CACNA1E: variants seen among roughly 807,000 people sequenced by gnomAD.
CACNA1E encodes the protein calcium voltage-gated channel subunit alpha1 E.
Under a neutral mutation model 259.2 loss-of-function variants are expected in CACNA1E, and 40 were observed. That is an observed-to-expected ratio of 0.15 (90% CI 0.12 to 0.20). The LOEUF (loss-of-function observed/expected upper bound fraction) is 0.20, where lower values mean the gene tolerates loss of function less well. CACNA1E is among the 10% of genes least tolerant of loss of function. The probability of loss-of-function intolerance (pLI) is 1.00; values close to 1 mark genes in which losing one functional copy is unlikely to be tolerated. For missense variants in CACNA1E, 1,874 were observed against 3,040.1 expected (o/e 0.62, Z 9.02); for synonymous variants, 1,104 against 1,138.5 (o/e 0.97, Z 0.61).
chr1:181,481,008 A>G (rs142093393), upstream of CACNA1E, among the ~76,000 whole-genome samples: 154 of 152,148 alleles, frequency 1.0e-3, 2 homozygotes, highest in African/African-American at 3.5e-3. Flanking sequence ...TTCTAACCCT[A>G]TGTAGTTTAC....
chr1:181,740,951 G>A (rs962372192), intron 25 of CACNA1E, among the ~76,000 whole-genome samples: 10 of 152,140 alleles, frequency 6.6e-5, no homozygotes, highest in African/African-American at 2.4e-4. Context: ...CCGTCTTCTT[G>A]GAAAGAAGGA....
intron 41 of CACNA1E, 84 bp from the exon 42 acceptor site, chr1:181,785,234 G>T: frequency 5.0e-6 from 4 of 795,480 alleles, no homozygotes; most frequent in South Asian, 1.5e-5. Flanking sequence ...CTGTTCCAGA[G>T]AGTGGGTAAC....
intron 6 of CACNA1E, among the ~76,000 whole-genome samples, chr1:181,622,414 G>A (rs1382700060): frequency 6.6e-6 from 1 of 152,176 alleles, no homozygotes; most frequent in Non-Finnish European, 1.5e-5. Context: ...GGCTTAAACA[G>A]AAATTTACTT....
intron 3 of CACNA1E, among the ~76,000 whole-genome samples, chr1:181,559,517 G>A (rs1403420656): frequency 6.6e-6 from 1 of 152,194 alleles, no homozygotes; most frequent in East Asian, 1.9e-4. Context: ...AAAGGGAAGT[G>A]GAGGAAGAGG....
chr1:181,387,204 G>A (rs563815178), intron 1 of CACNA1E, among the ~76,000 whole-genome samples: 216 of 152,224 alleles, frequency 1.4e-3, no homozygotes, highest in Non-Finnish European at 2.4e-3. Flanking sequence ...AGTGGGGTGA[G>A]GTGGAGGGAG....
intron 7 of CACNA1E, among the ~76,000 whole-genome samples, chr1:181,682,274 G>A (rs1650052531): frequency 6.6e-6 from 1 of 152,194 alleles, no homozygotes; most frequent in Non-Finnish European, 1.5e-5. Flanking sequence ...CTTCCAAAGA[G>A]GATGGGATAC....
intron 2 of CACNA1E, among the ~76,000 whole-genome samples, chr1:181,414,973 G>A (rs1224231892): frequency 2.0e-5 from 3 of 152,176 alleles, no homozygotes; most frequent in Non-Finnish European, 4.4e-5. Context: ...TAATTCCCAG[G>A]GTGACCTAAT....
chr1:181,442,412 A>T (rs1660555962), intron 2 of CACNA1E, among the ~76,000 whole-genome samples: 1 of 150,736 alleles, frequency 6.6e-6, no homozygotes, highest in Admixed American at 6.6e-5. Flanking sequence ...ACATGTGTGA[A>T]GGGTACAGGT....
intron 1 of CACNA1E, among the ~76,000 whole-genome samples, chr1:181,365,808 T>C (rs1227075459): frequency 6.6e-6 from 1 of 152,052 alleles, no homozygotes; most frequent in Non-Finnish European, 1.5e-5. Context: ...CTAGGCACAG[T>C]TGGTAGTCTT....
At chr1:181,613,228 A>G (rs147149935) in intron 6 of CACNA1E, among the ~76,000 whole-genome samples, 65 of 152,246 alleles carry the variant, frequency 4.3e-4, no homozygotes, top group Admixed American at 2.4e-3. Context: ...TCTTCTCAGC[A>G]TTTATGTATA....
Position 181,763,550 on chromosome 1 carries a change from T to C in CACNA1E, c.4815+19T>C. ...CTTTAAGGTAAGAGGTACCAGCAAATCCTCTCTGAGGGTTGTCATATCAGA... is the reference window on the plus strand; with the variant it reads ...CTTTAAGGTAAGAGGTACCAGCAAACCCTCTCTGAGGGTTGTCATATCAGA... On this transcript the variant is annotated intron_variant, in intron 34 of 47. Coordinates refer to ENST00000367573, the MANE Select transcript of CACNA1E (RefSeq NM_001205293.3). 1.9e-6 allele frequency: 3 copies of C among 1,543,244 alleles called. No homozygotes were observed. The highest frequency in any genetic ancestry group is 2.7e-6 in the Non-Finnish European group (3 of 1,131,518).
rs553693423 is a variant in CACNA1E at position 181,565,738 on chromosome 1, G to A, written c.513-12028G>A. On this transcript the variant is annotated intron_variant, in intron 3 of 47. Transcript: ENST00000367573. ...ATTATATAGCTAATCATGGGGCTTG[G>A]ATACTGGAGTTCATTAGTGCATCTT... 5.3e-5 allele frequency among the ~76,000 whole-genome samples: 8 copies of A among 152,322 alleles called. No homozygotes were observed. In the South Asian group the frequency reaches 1.7e-3, roughly 32 times the overall value.
intron 1 of CACNA1E, among the ~76,000 whole-genome samples, chr1:181,335,236 G>A (rs1036332617): frequency 3.3e-5 from 5 of 152,194 alleles, no homozygotes; most frequent in Non-Finnish European, 7.4e-5. Flanking sequence ...GAGACCCTCA[G>A]GAAAGCTGCC....
intron 2 of CACNA1E, among the ~76,000 whole-genome samples, chr1:181,441,513 T>G (rs547715129): frequency 6.7e-6 from 1 of 150,292 alleles, no homozygotes; most frequent in Admixed American, 6.7e-5. Flanking sequence ...GCTATAGGTT[T>G]AAGAACACAA....
At chr1:181,380,215 T>C (rs1047022594) in intron 1 of CACNA1E, among the ~76,000 whole-genome samples, 1 of 151,754 alleles carries the variant, frequency 6.6e-6, no homozygotes, top group Non-Finnish European at 1.5e-5. Context: ...CATTGTCAGA[T>C]TGGATAAAAC....
At chr1:181,534,560 C>T (rs1348946196) in intron 3 of CACNA1E, among the ~76,000 whole-genome samples, 1 of 152,116 alleles carries the variant, frequency 6.6e-6, no homozygotes, top group Non-Finnish European at 1.5e-5. Flanking sequence ...ACAGTATACA[C>T]TGCTTGGGTG....
rs189659183 is a variant in CACNA1E, at chr1:181,657,283, A to G, written c.1055+5842A>G. On this transcript the variant is annotated intron_variant, in intron 7 of 47. Transcript: ENST00000367573. ...GGAGGAGGCTGAATATGAGGAGGGGAAAGGGAGGGGGAGATTTCAGTCAAA... is the reference window on the plus strand; with the variant it reads ...GGAGGAGGCTGAATATGAGGAGGGGGAAGGGAGGGGGAGATTTCAGTCAAA... Among the ~76,000 whole-genome samples the G allele has an allele frequency of 5.1e-3, 783 of 152,130 alleles. 11 individuals are homozygous for G. Among genetic ancestry groups the G allele is most frequent in the African/African-American group, 0.018 (758 of 41,486 alleles).
Position 181,390,117 on chromosome 1 carries a change from G to A in CACNA1E, c.-14-23016G>A, listed in dbSNP as rs144032049. Among the ~76,000 whole-genome samples, 458 of 152,256 alleles carry A rather than the reference G, an allele frequency of 3.0e-3. 2 individuals are homozygous for A. Among genetic ancestry groups the A allele is most frequent in the African/African-American group, 0.01 (433 of 41,560 alleles). ...ATTGACTGCTGTTCTTCGTGACGGT[G>A]CCCCTGAGCCTAGGCAGGGCTATGT... On this transcript the variant is annotated intron_variant, in intron 1 of 11. Coordinates refer to the CACNA1E transcript ENST00000524607.
rs113681565 is a variant in CACNA1E, at chr1:181,725,952, T to G, written c.2143-113T>G. On this transcript the variant is annotated intron_variant, in intron 17 of 47. Transcript: ENST00000367573. ...CTCGCTGTCTTGTTTATCCTCTTCCTGTGTCTTCCTCACTTCACTTGGTAT... is the reference window on the plus strand; with the variant it reads ...CTCGCTGTCTTGTTTATCCTCTTCCGGTGTCTTCCTCACTTCACTTGGTAT... 5,574 of 666,784 alleles carry G rather than the reference T, an allele frequency of 8.4e-3. 218 individuals carry two copies. The African/African-American group carries it at 0.089, about 11-fold the overall frequency. The allele number at this position is 666,784 out of a possible 1,614,324, so 41.3% of individuals were successfully genotyped here. A position where few individuals can be genotyped will look rare whatever the true frequency, so the allele number is the denominator to read the frequency against.
Sources: allele counts gnomAD v4.1 joint callset (sites outside exome capture counted in the v4.1 genomes callset), GRCh38; gene constraint gnomAD v4.1.1; transcripts MANE v1.5; gene names NCBI Gene and HGNC (gene_info 2026-07-23, HGNC 2026-07-21).